The following HOMER2 variants were observed in gnomAD, a reference collection of about 807,000 sequenced individuals.
HOMER2 encodes homer protein homolog 2.
In HOMER2, 27 loss-of-function variants were observed where a neutral mutation model predicts 47.0. The observed-to-expected ratio is 0.57, with a 90% confidence interval of 0.42 to 0.79. The LOEUF (loss-of-function observed/expected upper bound fraction) is 0.79, where lower values mean the gene tolerates loss of function less well. Among genes scored for constraint, HOMER2 ranks in the 30% least tolerant of loss-of-function variants. The pLI is 0.00. For synonymous variants in HOMER2, 161 were observed against 163.8 expected (o/e 0.98, Z 0.13); for missense variants, 443 against 435.0 (o/e 1.02, Z -0.16).
chr15:82,897,061 A>ATTTTT (rs1489192383), intron 1 of HOMER2, among the ~76,000 whole-genome samples: 65 of 45,814 alleles, frequency 1.4e-3, no homozygotes, highest in African/African-American at 2.7e-3. Context: ...ATTTGATGTC[A>ATTTTT]TTTCTTTTTT....
At chr15:82,960,013 A>G (rs964471438) in intron 1 of HOMER2, among the ~76,000 whole-genome samples, 4 of 152,232 alleles carry the variant, frequency 2.6e-5, no homozygotes, top group African/African-American at 9.6e-5. Flanking sequence ...TGGCAGCAGC[A>G]CAACGAGAAG....
downstream of HOMER2, chr15:82,845,853 A>C (rs536715416): frequency 6.6e-6 from 1 of 152,240 alleles, no homozygotes; most frequent in African/African-American, 2.4e-5. Flanking sequence ...TTCTAAAGAA[A>C]AAGAGCCCTG....
chr15:82,893,817 G>C (rs1382988954), intron 1 of HOMER2, among the ~76,000 whole-genome samples: 1 of 152,086 alleles, frequency 6.6e-6, no homozygotes, highest in Non-Finnish European at 1.5e-5. Context: ...GGTAGAGACA[G>C]GGTCTCTCTG....
At chr15:82,977,417 G>C (rs1269505108) in intron 1 of HOMER2, among the ~76,000 whole-genome samples, 3 of 152,172 alleles carry the variant, frequency 2.0e-5, no homozygotes, top group Non-Finnish European at 4.4e-5. Flanking sequence ...TTTCTTAAAT[G>C]TTTACCTTCA....
intron 1 of HOMER2, among the ~76,000 whole-genome samples, chr15:82,910,085 A>C (rs1339756117): frequency 1.4e-5 from 2 of 139,684 alleles, no homozygotes; most frequent in Admixed American, 7.9e-5. Context: ...GTAAGCTGAG[A>C]TCATGCTACT....
Position 82,906,113 on chromosome 15 carries a change from G to C in HOMER2, c.6-13272C>G, listed in dbSNP as rs562082722. Among the ~76,000 whole-genome samples the C allele has an allele frequency of 7.3e-4, 111 of 152,264 alleles. 1 individual carries two copies. The highest frequency in any genetic ancestry group is 2.5e-3 in the African/African-American group (104 of 41,550). On this transcript the variant is annotated intron_variant, in intron 1 of 8. Transcript: ENST00000450735. ...GCAATATAGTGTTATCTGAAAGTGA[G>C]CTTGGATTCATTGTAAATGTATACT...
chr15:82,955,171 CTT>C (rs537098552), upstream of HOMER2, among the ~76,000 whole-genome samples: 7 of 133,788 alleles, frequency 5.2e-5, no homozygotes, highest in Non-Finnish European at 8.1e-5. Flanking sequence ...TTTTCTTTTT[CTT>C]TTTTTTTTTT....
chr15:82,920,846 C>CT (rs76849781), intron 1 of HOMER2, among the ~76,000 whole-genome samples: 3,732 of 135,830 alleles, frequency 0.027, 54 homozygotes, highest in Non-Finnish European at 0.039. Flanking sequence ...GTAAAACAAT[C>CT]TTTTTTTTTT....
intron 4 of HOMER2, 154 bp from the exon 5 acceptor site, chr15:82,859,289 G>A: frequency 2.5e-5 from 24 of 964,294 alleles, no homozygotes; most frequent in South Asian, 5.3e-5. Flanking sequence ...ATGCAGCAAA[G>A]ACTAACAAGT....
At chr15:82,852,674 TTC>T (rs1443340286) in intron 6 of HOMER2, 3 of 158,224 alleles carry the variant, frequency 1.9e-5, no homozygotes, top group Non-Finnish European at 4.2e-5. Context: ...TCCTGCATTA[TTC>T]TGTTTCATCT....
At chr15:82,935,054 C>G (rs1433253010) in intron 1 of HOMER2, among the ~76,000 whole-genome samples, 1 of 152,094 alleles carries the variant, frequency 6.6e-6, no homozygotes, top group Non-Finnish European at 1.5e-5. Flanking sequence ...AGCCTCTCAT[C>G]TTCTCAAGGC....
At chr15:82,888,734 T>C (rs1448448808) in intron 2 of HOMER2, among the ~76,000 whole-genome samples, 1 of 82,610 alleles carries the variant, frequency 1.2e-5, no homozygotes, top group Non-Finnish European at 2.3e-5. Context: ...GGTGAGGCAA[T>C]GCCTCGCCCT....
intron 1 of HOMER2, among the ~76,000 whole-genome samples, chr15:82,972,768 G>T (rs1235354482): frequency 6.6e-6 from 1 of 152,228 alleles, no homozygotes; most frequent in Non-Finnish European, 1.5e-5. Context: ...GGCACAGCAG[G>T]AATTTCAAAG....
At chr15:82,949,109 T>C (rs1361417470) in intron 1 of HOMER2, among the ~76,000 whole-genome samples, 2 of 152,054 alleles carry the variant, frequency 1.3e-5, no homozygotes, top group Non-Finnish European at 2.9e-5. Flanking sequence ...GAGTGCATGG[T>C]AGGGCCACTG....
chr15:82,928,308 G>A (rs2053908009), intron 1 of HOMER2, among the ~76,000 whole-genome samples: 1 of 152,178 alleles, frequency 6.6e-6, no homozygotes, highest in Non-Finnish European at 1.5e-5. Context: ...GAAGCCTTTA[G>A]AACATGAGAG....
intron 8 of HOMER2, among the ~76,000 whole-genome samples, chr15:82,850,508 T>G (rs981618973): frequency 6.6e-6 from 1 of 152,152 alleles, no homozygotes; most frequent in Non-Finnish European, 1.5e-5. Flanking sequence ...CACAAGCAGG[T>G]TCCCAAAGAC....
chr15:82,958,217 C>T (rs1447765035), exon 2 of HOMER2: 1 of 151,986 alleles, frequency 6.6e-6, no homozygotes, highest in Non-Finnish European at 1.5e-5. Flanking sequence ...ATAATGTAAC[C>T]GAGGTATGAA....
intron 4 of HOMER2, among the ~76,000 whole-genome samples, chr15:82,860,946 A>C (rs940954120): frequency 6.3e-5 from 9 of 141,882 alleles, no homozygotes; most frequent in African/African-American, 2.2e-4. Context: ...CAAAGATAGA[A>C]GATAGAAGAT....
chr15:82,866,063 G>A (rs1026616974), intron 3 of HOMER2, among the ~76,000 whole-genome samples: 1 of 152,128 alleles, frequency 6.6e-6, no homozygotes, highest in African/African-American at 2.4e-5. Flanking sequence ...TAGATCAACT[G>A]ACAGTTTGCA....
Sources: gnomAD v4.1 joint callset for allele counts (sites outside exome capture counted in the v4.1 genomes callset) on GRCh38, gnomAD v4.1.1 for gene constraint, MANE v1.5 for transcripts, NCBI Gene and HGNC (gene_info 2026-07-23, HGNC 2026-07-21) for gene names.